Variants in CTNND2 observed in about 807,000 individuals in gnomAD.
CTNND2 encodes catenin delta 2.
A neutral mutation model predicts 144.4 loss-of-function variants in CTNND2; 22 were observed. That is an observed-to-expected ratio of 0.15 (90% CI 0.11 to 0.22). The LOEUF is 0.22. CTNND2 is among the 10% of genes least tolerant of loss of function. CTNND2 has a pLI of 1.00. For synonymous variants in CTNND2, 751 were observed against 695.6 expected (o/e 1.08, Z -1.25); for missense variants, 1,353 against 1,618.8 (o/e 0.84, Z 2.82).
chr5:11,640,765 A>C (rs1361277053), intron 2 of CTNND2, among the ~76,000 whole-genome samples: 2 of 152,100 alleles, frequency 1.3e-5, no homozygotes, highest in Admixed American at 1.3e-4. Flanking sequence ...TATATTTAAG[A>C]TTTCCATTCT....
intron 9 of CTNND2, among the ~76,000 whole-genome samples, chr5:11,240,832 AC>A (rs201352713): frequency 0.012 from 1,334 of 109,262 alleles, 24 homozygotes; most frequent in African/African-American, 0.041. Flanking sequence ...CAGCACACAC[AC>A]CCCCCAACAC....
intron 1 of CTNND2, among the ~76,000 whole-genome samples, chr5:11,879,103 G>A (rs1402654416): frequency 6.6e-6 from 1 of 151,908 alleles, no homozygotes; most frequent in Non-Finnish European, 1.5e-5. Context: ...GATGCCAAGT[G>A]GCACCGCAGA....
intron 3 of CTNND2, among the ~76,000 whole-genome samples, chr5:11,538,073 C>T (rs1375022684): frequency 6.6e-6 from 1 of 152,192 alleles, no homozygotes; most frequent in Non-Finnish European, 1.5e-5. Context: ...TGGAGCTGAC[C>T]ATCCATTCCC....
At chr5:11,562,859 A>AT in intron 3 of CTNND2, among the ~76,000 whole-genome samples, 1 of 152,378 alleles carries the variant, frequency 6.6e-6, no homozygotes, top group Admixed American at 6.5e-5. Flanking sequence ...AGGTAATGTC[A>AT]TGAATGCAAC....
rs568903449 is a variant in CTNND2, at chr5:11,482,698, G to T, written c.288-70629C>A. 2.0e-5 allele frequency among the ~76,000 whole-genome samples: 3 copies of T among 152,224 alleles called. No individual in the cohort carries two copies. The South Asian group carries it at 6.2e-4, about 32-fold the overall frequency. Reference sequence around the variant, plus strand: ...GTTGGTGGTAAAACACTGTCTCCCTGAGAAGCAGACATTTGAACAAAGACT... The same window carrying T: ...GTTGGTGGTAAAACACTGTCTCCCTTAGAAGCAGACATTTGAACAAAGACT... On this transcript the variant is annotated intron_variant, in intron 3 of 21. Coordinates refer to ENST00000304623, the MANE Select transcript of CTNND2 (RefSeq NM_001332.4).
chr5:11,179,007 G>A (rs1167874295), intron 11 of CTNND2, among the ~76,000 whole-genome samples: 1 of 152,244 alleles, frequency 6.6e-6, no homozygotes, highest in African/African-American at 2.4e-5. Context: ...TATGAAGATG[G>A]TATGTTCAAC....
At chr5:11,489,036 T>A (rs544308696) in intron 3 of CTNND2, among the ~76,000 whole-genome samples, 26 of 139,936 alleles carry the variant, frequency 1.9e-4, no homozygotes, top group African/African-American at 6.7e-4. Flanking sequence ...GCAGTTTTGG[T>A]GTAGACACAA....
chr5:11,791,525 A>T (rs1791137328), intron 1 of CTNND2, among the ~76,000 whole-genome samples: 1 of 152,236 alleles, frequency 6.6e-6, no homozygotes, highest in Non-Finnish European at 1.5e-5. Context: ...TATGTTGAAG[A>T]TTTATTAAAA....
At chr5:11,775,881 G>C (rs191659433) in intron 1 of CTNND2, among the ~76,000 whole-genome samples, 31 of 152,242 alleles carry the variant, frequency 2.0e-4, no homozygotes, top group African/African-American at 7.5e-4. Context: ...ACAAAGACTA[G>C]GGTCCTTATA....
At position 11,385,113 on chromosome 5, in the gene CTNND2, C is replaced by T. The variant is rs1363292167; in HGVS notation, c.729G>A (p.Ala243=). The change falls in exon 7 of 22, where the codon GCG becomes GCA. Residue 243 remains alanine, a synonymous_variant. Coordinates refer to ENST00000304623, the MANE Select transcript of CTNND2 (RefSeq NM_001332.4). ...GCGCGGCGGCGGCGGCGGCGGGCGGCGCGTCGGGCAGGTGGAAGGCGCTGC... is the reference window on the plus strand; with the variant it reads ...GCGCGGCGGCGGCGGCGGCGGGCGGTGCGTCGGGCAGGTGGAAGGCGCTGC... ...SLGSAFHLPD[A]PPAAAAAALY... 3 of 1,025,420 alleles carry T rather than the reference C, an allele frequency of 2.9e-6. No homozygotes were observed. Among genetic ancestry groups the T allele is most frequent in the Non-Finnish European group, 1.2e-6 (1 of 858,610 alleles). 63.5% of individuals were successfully genotyped at this position (1,025,420 alleles called of 1,614,324 possible).
intron 3 of CTNND2, among the ~76,000 whole-genome samples, chr5:11,417,951 T>C (rs1762051618): frequency 6.6e-6 from 1 of 152,134 alleles, no homozygotes; most frequent in Non-Finnish European, 1.5e-5. Flanking sequence ...ATATCATATA[T>C]GAGGGGTCTT....
At chr5:11,530,776 T>A (rs192213770) in intron 3 of CTNND2, among the ~76,000 whole-genome samples, 1 of 152,192 alleles carries the variant, frequency 6.6e-6, no homozygotes, top group East Asian at 1.9e-4. Context: ...TTCCCTTTTG[T>A]ACTTAGCAAA....
At chr5:11,409,373 C>T (rs1761339853) in intron 5 of CTNND2, among the ~76,000 whole-genome samples, 3 of 152,018 alleles carry the variant, frequency 2.0e-5, no homozygotes, top group African/African-American at 7.2e-5. Flanking sequence ...ATGTAACAAA[C>T]ATATACTATC....
chr5:11,349,923 G>C (rs1755159127), intron 8 of CTNND2, among the ~76,000 whole-genome samples: 2 of 152,136 alleles, frequency 1.3e-5, no homozygotes, highest in African/African-American at 4.8e-5. Flanking sequence ...AGATCATGAG[G>C]TCAGGAGTTC....
chr5:11,786,703 C>T (rs57572788), intron 1 of CTNND2, among the ~76,000 whole-genome samples: 14,562 of 152,168 alleles, frequency 0.096, 1,893 homozygotes, highest in African/African-American at 0.29. Flanking sequence ...TCCTGAAGAT[C>T]CCTCTCCTTT....
chr5:11,876,900 G>C (rs182611757), intron 1 of CTNND2, among the ~76,000 whole-genome samples: 3 of 152,276 alleles, frequency 2.0e-5, no homozygotes, highest in African/African-American at 7.2e-5. Flanking sequence ...CAAACTTGCT[G>C]AATTCCCTTG....
At chr5:11,345,968 C>T (rs1754735474) in intron 9 of CTNND2, among the ~76,000 whole-genome samples, 1 of 152,066 alleles carries the variant, frequency 6.6e-6, no homozygotes, top group Admixed American at 6.5e-5. Context: ...GGAAGGTGTA[C>T]CCCTTTGCAA....
chr5:11,150,581 T>C (rs1045523133), intron 12 of CTNND2, among the ~76,000 whole-genome samples: 2 of 146,584 alleles, frequency 1.4e-5, no homozygotes, highest in Non-Finnish European at 3.0e-5. Flanking sequence ...TGACATCAGG[T>C]GGTGGCAGGT....
intron 8 of CTNND2, among the ~76,000 whole-genome samples, chr5:11,361,714 T>C (rs143339790): frequency 5.3e-5 from 8 of 152,328 alleles, no homozygotes; most frequent in Non-Finnish European, 1.2e-4. Flanking sequence ...CCTACCACCA[T>C]CTTTTTCTAT....
Sources: allele counts gnomAD v4.1 joint callset (sites outside exome capture counted in the v4.1 genomes callset), GRCh38; gene constraint gnomAD v4.1.1; transcripts MANE v1.5; gene names NCBI Gene and HGNC (gene_info 2026-07-23, HGNC 2026-07-21).